Variants in INPP4B observed in about 807,000 individuals in gnomAD.
INPP4B encodes inositol polyphosphate 4-phosphatase type II.
In INPP4B, 55 loss-of-function variants were observed where a neutral mutation model predicts 122.5. The ratio of observed to expected loss-of-function variants is 0.45; its 90% CI spans 0.36 to 0.56. INPP4B has a LOEUF of 0.56. Among genes scored for constraint, INPP4B ranks in the 20% least tolerant of loss-of-function variants. INPP4B has a pLI of 0.00. For synonymous variants in INPP4B, 403 were observed against 388.7 expected, an observed-to-expected ratio of 1.04 and a Z score of -0.43; for missense variants, 1,000 against 1,097.7, an observed-to-expected ratio of 0.91 and a Z score of 1.26.
intron 2 of INPP4B, among the ~76,000 whole-genome samples, chr4:142,487,827 T>G (rs1158735253): frequency 2.0e-5 from 3 of 152,128 alleles, no homozygotes; most frequent in Non-Finnish European, 4.4e-5. Context: ...GCCTTTTTGA[T>G]TTGTCAAGAT....
chr4:142,739,250 T>C (rs1767543141), intron 1 of INPP4B, among the ~76,000 whole-genome samples: 7 of 152,098 alleles, frequency 4.6e-5, no homozygotes, highest in Admixed American at 4.6e-4. Flanking sequence ...ACCCATATCT[T>C]GATAGAAATT....
chr4:142,491,501 A>G (rs1231730048), intron 2 of INPP4B, among the ~76,000 whole-genome samples: 1 of 149,904 alleles, frequency 6.7e-6, no homozygotes, highest in Non-Finnish European at 1.5e-5. Context: ...TAAAAAGACA[A>G]AAAAAATTAG....
chr4:142,815,984 G>C (rs1050745954), intron 1 of INPP4B, among the ~76,000 whole-genome samples: 2 of 152,078 alleles, frequency 1.3e-5, no homozygotes, highest in Non-Finnish European at 2.9e-5. Context: ...AAAAATAAAG[G>C]TCTGTTTTCT....
intron 2 of INPP4B, among the ~76,000 whole-genome samples, chr4:142,499,275 T>C (rs142472190): frequency 9.9e-4 from 150 of 152,116 alleles, no homozygotes; most frequent in Admixed American, 4.3e-3. Context: ...AAGAAGCAAA[T>C]AATACAGCAC....
chr4:142,537,429 T>TATAGAG (rs1200701380), intron 2 of INPP4B, among the ~76,000 whole-genome samples: 11 of 25,482 alleles, frequency 4.3e-4, no homozygotes, highest in African/African-American at 4.8e-4. Flanking sequence ...TATATATATA[T>TATAGAG]AGAGAGAGAG....
In INPP4B at chr4:142,123,297, G is replaced by T; in HGVS notation, c.2012C>A (p.Thr671Lys). The change falls in exon 20 of 26, where the codon ACA becomes AAA. Residue 671 changes from threonine (T) to lysine (K), a missense_variant. Coordinates refer to ENST00000262992, the MANE Select transcript of INPP4B (RefSeq NM_001101669.3). ...TGTACTAAAGCAATACTCACTGTAT[G>T]TACTTAGCAGTCCTTCATATTGTAC... is the stretch of plus-strand genomic sequence containing the variant. ...LIVQYEGLLS[T>K]YSDEIGMLED... is the part of the protein sequence containing the mutation. The T allele has an allele frequency of 6.2e-7, 1 of 1,610,292 alleles. No individual in the cohort carries two copies.
chr4:142,134,040 A>C (rs184694800), intron 18 of INPP4B, among the ~76,000 whole-genome samples: 1 of 152,202 alleles, frequency 6.6e-6, no homozygotes, highest in Admixed American at 6.5e-5. Flanking sequence ...TCTCTTTGCT[A>C]CTAGAGCATA....
At chr4:142,436,809 T>TAAAA (rs35215542) in intron 3 of INPP4B, among the ~76,000 whole-genome samples, 1 of 138,894 alleles carries the variant, frequency 7.2e-6, no homozygotes, top group Non-Finnish European at 1.5e-5. Context: ...AAAGAATCAA[T>TAAAA]AAAAAAAAAA....
intron 9 of INPP4B, among the ~76,000 whole-genome samples, chr4:142,294,146 C>T (rs1480187118): frequency 6.6e-6 from 1 of 152,074 alleles, no homozygotes; most frequent in Non-Finnish European, 1.5e-5. Context: ...CACCATTATG[C>T]AATATATCAT....
At chr4:142,252,410 G>C (rs937876502) in intron 11 of INPP4B, among the ~76,000 whole-genome samples, 2 of 151,752 alleles carry the variant, frequency 1.3e-5, no homozygotes, top group Non-Finnish European at 1.5e-5. Flanking sequence ...GGATGGTCTC[G>C]ATCTCCTGAC....
intron 10 of INPP4B, among the ~76,000 whole-genome samples, chr4:142,266,881 C>T (rs1743080973): frequency 6.6e-6 from 1 of 151,640 alleles, no homozygotes; most frequent in African/African-American, 2.4e-5. Flanking sequence ...TTGAAGGATA[C>T]ACAATCAACT....
intron 14 of INPP4B, among the ~76,000 whole-genome samples, chr4:142,203,545 AC>A (rs1841544013): frequency 6.6e-6 from 1 of 152,070 alleles, no homozygotes; most frequent in African/African-American, 2.4e-5. Flanking sequence ...CATTCTTGTC[AC>A]TGCTGGCTAA....
chr4:142,255,320 T>C (rs1222047817), intron 11 of INPP4B, among the ~76,000 whole-genome samples: 2 of 150,338 alleles, frequency 1.3e-5, no homozygotes, highest in Non-Finnish European at 3.0e-5. Context: ...AACCAGCTAA[T>C]ATCATAATGA....
At chr4:142,251,488 C>A (rs865814907) in intron 11 of INPP4B, among the ~76,000 whole-genome samples, 28 of 152,150 alleles carry the variant, frequency 1.8e-4, no homozygotes, top group African/African-American at 6.8e-4. Flanking sequence ...TTTAAGAGCA[C>A]TAATAACTCA....
At chr4:142,134,061 G>A (rs541279317) in intron 18 of INPP4B, among the ~76,000 whole-genome samples, 2 of 152,040 alleles carry the variant, frequency 1.3e-5, no homozygotes, top group Admixed American at 1.3e-4. Flanking sequence ...AACTTCAGGA[G>A]AGCCAGTGTT....
chr4:142,592,887 G>C (rs1737813071), intron 2 of INPP4B, among the ~76,000 whole-genome samples: 1 of 152,004 alleles, frequency 6.6e-6, no homozygotes, highest in African/African-American at 2.4e-5. Context: ...GATCGCTTGA[G>C]GTCAGGAGTT....
chr4:142,758,070 G>C (rs925385573), intron 1 of INPP4B, among the ~76,000 whole-genome samples: 6 of 152,156 alleles, frequency 3.9e-5, no homozygotes, highest in Admixed American at 6.6e-5. Flanking sequence ...GCTCTGAATA[G>C]ATCTCATCAG....
At chr4:142,357,753 T>C (rs373568084) in intron 7 of INPP4B, among the ~76,000 whole-genome samples, 1 of 152,072 alleles carries the variant, frequency 6.6e-6, no homozygotes, top group Non-Finnish European at 1.5e-5. Flanking sequence ...ATTTTGTCTA[T>C]AGTAAATCCT....
chr4:142,367,908 T>C (rs1188786584), intron 7 of INPP4B, among the ~76,000 whole-genome samples: 1 of 152,124 alleles, frequency 6.6e-6, no homozygotes, highest in Non-Finnish European at 1.5e-5. Context: ...ACCATGGGTA[T>C]AGAAAACAGG....
Sources: gnomAD v4.1 joint callset for allele counts (sites outside exome capture counted in the v4.1 genomes callset) on GRCh38, gnomAD v4.1.1 for gene constraint, MANE v1.5 for transcripts, NCBI Gene and HGNC (gene_info 2026-07-23, HGNC 2026-07-21) for gene names.